Variants in ERBB4 observed in about 807,000 individuals in gnomAD.
ERBB4 encodes the protein receptor tyrosine-protein kinase erbB-4.
In ERBB4, 42 loss-of-function variants were observed where a neutral mutation model predicts 158.0. That is an observed-to-expected ratio of 0.27 (90% CI 0.21 to 0.34). ERBB4 has a LOEUF of 0.34. ERBB4 is among the 10% of genes least tolerant of loss of function. The pLI, the probability that ERBB4 is intolerant of heterozygous loss-of-function variation, is 1.00. For synonymous variants in ERBB4, 583 were observed against 558.7 expected (o/e 1.04, Z -0.61); for missense variants, 1,333 against 1,624.1 (o/e 0.82, Z 3.08).
At chr2:211,501,083 A>G (rs1288929314) in intron 20 of ERBB4, among the ~76,000 whole-genome samples, 2 of 149,628 alleles carry the variant, frequency 1.3e-5, no homozygotes, top group South Asian at 2.1e-4. Flanking sequence ...GAGGCTGACT[A>G]TAAAAATAAA....
intron 16 of ERBB4, among the ~76,000 whole-genome samples, chr2:211,647,170 G>T (rs7422464): frequency 0.86 from 130,094 of 151,450 alleles, 58,756 homozygotes; most frequent in East Asian, 1. Flanking sequence ...CCTTTCATAT[G>T]TTCTTTTCCT....
chr2:211,855,386 G>A (rs1278279118), intron 3 of ERBB4, among the ~76,000 whole-genome samples: 1 of 151,962 alleles, frequency 6.6e-6, no homozygotes, highest in East Asian at 1.9e-4. Flanking sequence ...TAGTGGATTG[G>A]TATGTATACA....
At chr2:212,528,225 T>G (rs1157302184) in intron 1 of ERBB4, among the ~76,000 whole-genome samples, 1 of 152,108 alleles carries the variant, frequency 6.6e-6, no homozygotes, top group Admixed American at 6.6e-5. Flanking sequence ...CATCCCTTTC[T>G]TGCACAGTGG....
At chr2:212,367,124 T>A (rs2089918435) in intron 1 of ERBB4, among the ~76,000 whole-genome samples, 1 of 152,030 alleles carries the variant, frequency 6.6e-6, no homozygotes, top group African/African-American at 2.4e-5. Context: ...GAAGAGATCA[T>A]GTGTGGACAC....
intron 19 of ERBB4, among the ~76,000 whole-genome samples, chr2:211,581,810 G>A (rs1296098423): frequency 1.3e-5 from 2 of 152,060 alleles, no homozygotes; most frequent in African/African-American, 4.8e-5. Context: ...AAGAGATTGA[G>A]ACCATCCTGG....
At chr2:211,810,718 T>C (rs1228313776) in intron 3 of ERBB4, among the ~76,000 whole-genome samples, 57 of 138,440 alleles carry the variant, frequency 4.1e-4, no homozygotes, top group Non-Finnish European at 5.9e-4. Flanking sequence ...CAGGTGGGAC[T>C]GCGGACTGCA....
At chr2:211,812,338 A>G (rs1189951438) in intron 3 of ERBB4, among the ~76,000 whole-genome samples, 2 of 152,178 alleles carry the variant, frequency 1.3e-5, no homozygotes, top group Non-Finnish European at 2.9e-5. Context: ...TTGGCTGGGT[A>G]TCACCAGCGG....
Position 212,445,699 on chromosome 2 carries a change from CA to C in ERBB4, c.82+92749del, listed in dbSNP as rs372096196. ...GGGTCAATGGGAAATTACAACAGCC[CA>C]ATCCAGGCAGGACTACAAATGGTCC... On this transcript the variant is annotated intron_variant, in intron 1 of 27. Transcript: ENST00000342788. 1.0e-3 allele frequency among the ~76,000 whole-genome samples: 157 copies of C among 152,264 alleles called. 2 individuals carry two copies. In the South Asian group the frequency reaches 0.032, roughly 31 times the overall value.
chr2:212,488,192 C>T (rs1690080109), intron 1 of ERBB4, among the ~76,000 whole-genome samples: 1 of 152,030 alleles, frequency 6.6e-6, no homozygotes, highest in African/African-American at 2.4e-5. Context: ...TTGAATCACT[C>T]CTTTTATCCC....
chr2:211,475,664 C>A (rs1242312554), intron 20 of ERBB4, among the ~76,000 whole-genome samples: 1 of 151,970 alleles, frequency 6.6e-6, no homozygotes, highest in East Asian at 1.9e-4. Context: ...TTATTGGGCA[C>A]AAGAGGGCAG....
intron 2 of ERBB4, among the ~76,000 whole-genome samples, chr2:211,977,441 T>A (rs1234924200): frequency 3.3e-5 from 5 of 151,440 alleles, no homozygotes; most frequent in Non-Finnish European, 7.4e-5. Flanking sequence ...TTTGACAACT[T>A]TCCCAATTCT....
chr2:211,425,773 C>T (rs1318117864), intron 22 of ERBB4, among the ~76,000 whole-genome samples: 2 of 152,042 alleles, frequency 1.3e-5, no homozygotes, highest in Non-Finnish European at 2.9e-5. Flanking sequence ...CCTCAACTTC[C>T]CCAGGCTCAC....
chr2:212,176,996 GA>G (rs2081685101), intron 1 of ERBB4, among the ~76,000 whole-genome samples: 1 of 151,674 alleles, frequency 6.6e-6, no homozygotes, highest in Non-Finnish European at 1.5e-5. Context: ...TTAAAGTAGA[GA>G]AAGAGAGAGG....
intron 1 of ERBB4, among the ~76,000 whole-genome samples, chr2:212,501,448 G>A (rs1181698898): frequency 6.6e-6 from 1 of 152,142 alleles, no homozygotes; most frequent in Admixed American, 6.6e-5. Flanking sequence ...CACTGGATAA[G>A]TCAAACAATA....
intron 1 of ERBB4, among the ~76,000 whole-genome samples, chr2:212,235,952 C>G (rs2083854995): frequency 6.6e-6 from 1 of 152,186 alleles, no homozygotes; most frequent in Admixed American, 6.5e-5. Context: ...TTTGAATACC[C>G]TTTACTTCTT....
intron 4 of ERBB4, among the ~76,000 whole-genome samples, chr2:211,766,035 C>A (rs1030040310): frequency 6.6e-6 from 1 of 152,156 alleles, no homozygotes; most frequent in Non-Finnish European, 1.5e-5. Flanking sequence ...TTCCTTTGTG[C>A]ATTTTTATTC....
intron 1 of ERBB4, among the ~76,000 whole-genome samples, chr2:212,200,720 A>T (rs1004642889): frequency 6.6e-6 from 1 of 152,204 alleles, no homozygotes; most frequent in African/African-American, 2.4e-5. Flanking sequence ...TTCAAAAATG[A>T]TTATTATTTA....
intron 2 of ERBB4, among the ~76,000 whole-genome samples, chr2:211,987,204 C>T (rs1442162614): frequency 6.6e-6 from 1 of 151,656 alleles, no homozygotes; most frequent in Non-Finnish European, 1.5e-5. Context: ...GCCTGTAGTC[C>T]CAGCTTCTTG....
chr2:211,475,732 C>T (rs2064937579), intron 20 of ERBB4, among the ~76,000 whole-genome samples: 1 of 151,982 alleles, frequency 6.6e-6, no homozygotes, highest in African/African-American at 2.4e-5. Flanking sequence ...TTTCTGTTAA[C>T]AGCTTATATT....
Sources: gnomAD v4.1 joint callset for allele counts (sites outside exome capture counted in the v4.1 genomes callset) on GRCh38, gnomAD v4.1.1 for gene constraint, MANE v1.5 for transcripts, NCBI Gene and HGNC (gene_info 2026-07-23, HGNC 2026-07-21) for gene names.